The following SHROOM2 variants were observed in gnomAD, a reference collection of about 807,000 sequenced individuals.
SHROOM2 encodes the protein protein Shroom2.
A neutral mutation model predicts 75.9 loss-of-function variants in SHROOM2; 33 were observed. The ratio of observed to expected loss-of-function variants is 0.43; its 90% confidence interval spans 0.33 to 0.58. The LOEUF is 0.58. SHROOM2 is among the 20% of genes least tolerant of loss of function. The probability of loss-of-function intolerance (pLI) is 0.04; values close to 1 mark genes in which losing one functional copy is unlikely to be tolerated. For synonymous variants in SHROOM2, 655 were observed against 663.6 expected (o/e 0.99, Z 0.20); for missense variants, 1,434 against 1,461.2 (o/e 0.98, Z 0.30).
At chrX:9,911,208 A>G (rs755375821) in intron 5 of SHROOM2, among the ~76,000 whole-genome samples, 31 of 111,609 alleles carry the variant, frequency 2.8e-4, no homozygotes, top group Admixed American at 1.2e-3. Context: ...TCTGCCTCTC[A>G]GTGTAAGTGT....
chrX:9,897,598 G>A (rs1474747599), intron 4 of SHROOM2, among the ~76,000 whole-genome samples: 2 of 102,993 alleles, frequency 1.9e-5, no homozygotes, highest in Non-Finnish European at 3.9e-5. Context: ...CAGGTGTGGC[G>A]GTGCCCAAGG....
intron 1 of SHROOM2, among the ~76,000 whole-genome samples, chrX:9,864,052 T>A (rs2146788224): frequency 9.0e-6 from 1 of 111,168 alleles, no homozygotes; most frequent in South Asian, 3.8e-4. Flanking sequence ...GGTGGTGGTT[T>A]CCATCTTTAG....
At chrX:9,848,053 G>A (rs775570549) in intron 1 of SHROOM2, among the ~76,000 whole-genome samples, 1 of 111,815 alleles carries the variant, frequency 8.9e-6, no homozygotes, top group East Asian at 2.8e-4. Context: ...CCCCATGTCT[G>A]AGGGCGAATG....
intron 1 of SHROOM2, among the ~76,000 whole-genome samples, chrX:9,828,793 C>T (rs1391250333): frequency 9.0e-6 from 1 of 111,484 alleles, no homozygotes; most frequent in Non-Finnish European, 1.9e-5. Context: ...GTCTATCTGT[C>T]TCTTCATCCA....
At chrX:9,938,116 C>T (rs376800458) in intron 7 of SHROOM2, among the ~76,000 whole-genome samples, 1 of 111,397 alleles carries the variant, frequency 9.0e-6, no homozygotes, top group Non-Finnish European at 1.9e-5. Flanking sequence ...GGAGGGCCCC[C>T]CCCACAGAGA....
At chrX:9,930,075 G>A (rs7060237) in intron 5 of SHROOM2, among the ~76,000 whole-genome samples, 1,747 of 111,649 alleles carry the variant, frequency 0.016, 38 homozygotes, top group African/African-American at 0.054. Flanking sequence ...TATCAGCAGC[G>A]TGAAAACGAA....
intron 1 of SHROOM2, among the ~76,000 whole-genome samples, chrX:9,862,812 A>G (rs1052080694): frequency 2.2e-4 from 25 of 112,732 alleles, no homozygotes; most frequent in Admixed American, 2.1e-3. Flanking sequence ...TGCAGAGGCA[A>G]TGCATTGCTA....
intron 1 of SHROOM2, among the ~76,000 whole-genome samples, chrX:9,840,262 G>T (rs1376362140): frequency 1.8e-5 from 2 of 112,085 alleles, no homozygotes; most frequent in African/African-American, 6.5e-5. Context: ...TTTAACCTTG[G>T]AGTTAAAATC....
Position 9,946,678 on chromosome X carries a change from T to C in SHROOM2, c.4592T>C (p.Leu1531Pro). 2.5e-6 allele frequency: 3 copies of C among 1,206,644 alleles called. No homozygotes were observed. The highest frequency in any genetic ancestry group is 3.4e-6 in the Non-Finnish European group (3 of 892,683). ...DGASPGDRQS[L>P]LEKQRVLIQQ... ...TTGTTTGTCTGTCAACAGCAATCAC[T>C]GCTTGAGAAGCAGAGAGTCCTGATC... The change falls in exon 10 of 10, where the codon CTG becomes CCG. Residue 1531 changes from leucine to proline, a missense_variant. This residue lies in a region of SHROOM2 where 80 missense variants were observed against 88.4 expected (regional missense o/e 0.90). Coordinates refer to ENST00000380913, the MANE Select transcript of SHROOM2 (RefSeq NM_001649.4).
chrX:9,797,848 G>C (rs2083703393), intron 1 of SHROOM2, among the ~76,000 whole-genome samples: 1 of 112,066 alleles, frequency 8.9e-6, no homozygotes, highest in Non-Finnish European at 1.9e-5. Context: ...GATGATTTCA[G>C]GGATTGGACC....
At chrX:9,873,941 C>A in intron 2 of SHROOM2, 138 bp downstream of exon 2, 4 of 579,089 alleles carry the variant, frequency 6.9e-6, no homozygotes, top group South Asian at 4.2e-5. Flanking sequence ...ATGTCTCGGC[C>A]AAGCATGGGC....
intron 1 of SHROOM2, among the ~76,000 whole-genome samples, chrX:9,803,581 G>A (rs1645228296): frequency 9.0e-6 from 1 of 111,284 alleles, no homozygotes; most frequent in African/African-American, 3.3e-5. Flanking sequence ...CTCCTGTCAG[G>A]AAGAAAGCAG....
At chrX:9,941,796 C>T (rs1257299599) in intron 8 of SHROOM2, among the ~76,000 whole-genome samples, 2 of 108,274 alleles carry the variant, frequency 1.8e-5, no homozygotes, top group Non-Finnish European at 3.9e-5. Flanking sequence ...ATGGTGAAAC[C>T]CCGTCTCTAC....
At chrX:9,823,756 C>CTTTTTTTTTTTTTTTTTTTT (rs1293537759) in intron 1 of SHROOM2, among the ~76,000 whole-genome samples, 1 of 85,915 alleles carries the variant, frequency 1.2e-5, no homozygotes, top group African/African-American at 4.2e-5. Context: ...TTTCTTTTTT[C>CTTTTTTTTTTTTTTTTTTTT]TTTTTTCTTT....
intron 1 of SHROOM2, among the ~76,000 whole-genome samples, chrX:9,824,548 T>C (rs1238277461): frequency 8.9e-6 from 1 of 112,240 alleles, no homozygotes; most frequent in African/African-American, 3.2e-5. Flanking sequence ...TTCCATTCCA[T>C]AGATTTTGCC....
At chrX:9,861,736 T>C (rs2084104856) in intron 1 of SHROOM2, among the ~76,000 whole-genome samples, 1 of 112,357 alleles carries the variant, frequency 8.9e-6, no homozygotes, top group Non-Finnish European at 1.9e-5. Flanking sequence ...ACCACCATTT[T>C]TGGGGTGATA....
At chrX:9,919,976 T>C (rs757131543) in intron 5 of SHROOM2, among the ~76,000 whole-genome samples, 11 of 61,449 alleles carry the variant, frequency 1.8e-4, no homozygotes, top group African/African-American at 1.1e-3. Context: ...TCACTATAAC[T>C]CAGACATCTC....
At chrX:9,882,091 T>C (rs1332319431) in intron 2 of SHROOM2, among the ~76,000 whole-genome samples, 3 of 111,183 alleles carry the variant, frequency 2.7e-5, no homozygotes, top group African/African-American at 9.8e-5. Flanking sequence ...GAAATCTCTT[T>C]CCTTTCCCTT....
intron 5 of SHROOM2, among the ~76,000 whole-genome samples, chrX:9,902,458 T>C (rs2084370252): frequency 8.9e-6 from 1 of 111,896 alleles, no homozygotes; most frequent in South Asian, 3.7e-4. Context: ...AGGCTGACCT[T>C]CCTTGAGTTA....
Sources: allele counts gnomAD v4.1 joint callset (sites outside exome capture counted in the v4.1 genomes callset), GRCh38; gene constraint gnomAD v4.1.1; regional missense constraint gnomAD v4.1.1; transcripts MANE v1.5; gene names NCBI Gene and HGNC (gene_info 2026-07-23, HGNC 2026-07-21).